Variants in HSD17B12 observed in about 807,000 individuals in gnomAD.
The protein encoded by HSD17B12 is hydroxysteroid 17-beta dehydrogenase 12, also known as very-long-chain 3-oxoacyl-CoA reductase.
HSD17B12 carries 32 observed loss-of-function variants against 39.3 expected under a neutral mutation model. The ratio of observed to expected loss-of-function variants is 0.81; its 90% CI spans 0.61 to 1.09. HSD17B12 has a LOEUF of 1.09. Ranked by LOEUF, HSD17B12 falls within the 50% of genes least tolerant of loss-of-function variation. The probability of loss-of-function intolerance (pLI) is 0.00; values close to 1 mark genes in which losing one functional copy is unlikely to be tolerated. For missense variants in HSD17B12, 342 were observed against 382.9 expected, an observed-to-expected ratio of 0.89 and a Z score of 0.89; for synonymous variants, 150 against 146.7, an observed-to-expected ratio of 1.02 and a Z score of -0.16.
intron 9 of HSD17B12, chr11:43,854,035 G>A (rs980022450): frequency 6.6e-6 from 1 of 152,154 alleles, no homozygotes; most frequent in African/African-American, 2.4e-5. Context: ...TTCCTCTAAA[G>A]GTCATGTCCA....
chr11:43,592,455 T>A, the HSD17B12 span, among the ~76,000 whole-genome samples: 1 of 152,174 alleles, frequency 6.6e-6, no homozygotes, highest in Non-Finnish European at 1.5e-5. Flanking sequence ...GTCCCAGAAT[T>A]ACTCCAAATT....
chr11:43,607,522 T>A, the HSD17B12 span, among the ~76,000 whole-genome samples: 1 of 152,224 alleles, frequency 6.6e-6, no homozygotes, highest in Admixed American at 6.5e-5. Flanking sequence ...CACTATTTTA[T>A]ATGTGCCAAA....
chr11:43,847,555 A>G (rs1590347952), intron 9 of HSD17B12, among the ~76,000 whole-genome samples: 2 of 151,930 alleles, frequency 1.3e-5, no homozygotes, highest in Admixed American at 1.3e-4. Flanking sequence ...AAATAGAAAT[A>G]CATTAGCTGG....
chr11:43,630,121 A>G, the HSD17B12 span, among the ~76,000 whole-genome samples: 4 of 152,180 alleles, frequency 2.6e-5, no homozygotes, highest in Non-Finnish European at 5.9e-5. Context: ...TATCTGGCCT[A>G]CAGGGTTCCT....
the HSD17B12 span, among the ~76,000 whole-genome samples, chr11:43,674,966 T>C: frequency 6.6e-6 from 1 of 152,216 alleles, no homozygotes; most frequent in Non-Finnish European, 1.5e-5. Context: ...ATCATATAAT[T>C]AGTTGGAAGT....
At chr11:43,587,836 G>A in the HSD17B12 span, among the ~76,000 whole-genome samples, 2 of 152,296 alleles carry the variant, frequency 1.3e-5, no homozygotes, top group Middle Eastern at 6.8e-3. Flanking sequence ...ATTTCCTCTG[G>A]TGCTTTTGAC....
At chr11:43,691,312 G>A (rs1332908072) in intron 1 of HSD17B12, among the ~76,000 whole-genome samples, 3 of 152,128 alleles carry the variant, frequency 2.0e-5, no homozygotes, top group Admixed American at 6.5e-5. Context: ...TTCACCAGCA[G>A]CCCAAATCTA....
chr11:43,582,695 G>A, the HSD17B12 span, among the ~76,000 whole-genome samples: 1 of 152,282 alleles, frequency 6.6e-6, no homozygotes, highest in Admixed American at 6.5e-5. Flanking sequence ...CCTGTCCGCT[G>A]GTTGAACACC....
chr11:43,794,777 AT>A (rs1950901440), intron 3 of HSD17B12, among the ~76,000 whole-genome samples: 1 of 152,164 alleles, frequency 6.6e-6, no homozygotes, highest in African/African-American at 2.4e-5. Context: ...TGTGGCTCAT[AT>A]CATATTCATT....
intron 1 of HSD17B12, among the ~76,000 whole-genome samples, chr11:43,733,543 T>C (rs747079095): frequency 2.0e-5 from 3 of 152,244 alleles, no homozygotes; most frequent in Non-Finnish European, 4.4e-5. Flanking sequence ...TAGGATTCTC[T>C]GTATTCTGTA....
the HSD17B12 span, among the ~76,000 whole-genome samples, chr11:43,589,158 A>G: frequency 6.6e-6 from 1 of 152,184 alleles, no homozygotes; most frequent in Non-Finnish European, 1.5e-5. Flanking sequence ...GCTATCGTAA[A>G]TAATGTTTTC....
At chr11:43,741,444 G>T (rs1950363119) in intron 1 of HSD17B12, among the ~76,000 whole-genome samples, 2 of 151,764 alleles carry the variant, frequency 1.3e-5, no homozygotes, top group Non-Finnish European at 2.9e-5. Context: ...ATTCATAGTA[G>T]CAAAGGACTT....
chr11:43,638,968 G>A, the HSD17B12 span, among the ~76,000 whole-genome samples: 6 of 152,066 alleles, frequency 3.9e-5, no homozygotes, highest in African/African-American at 7.2e-5. Flanking sequence ...CAATAGTGTC[G>A]GGTCTGAATA....
chr11:43,581,740 GAGA>G, the HSD17B12 span, among the ~76,000 whole-genome samples: 8 of 152,284 alleles, frequency 5.3e-5, no homozygotes, highest in Middle Eastern at 3.4e-3. This position sits in a 1 kb window ranked among gnomAD's most constrained non-coding sequence, Gnocchi z 4.9. Context: ...TCGGAGAAGT[GAGA>G]AGAAGCTAAA....
the HSD17B12 span, among the ~76,000 whole-genome samples, chr11:43,573,942 C>A: frequency 6.6e-6 from 1 of 152,222 alleles, no homozygotes; most frequent in African/African-American, 2.4e-5. Flanking sequence ...TGTGATAAGT[C>A]ATCTTCAGTG....
chr11:43,748,904 A>T (rs1001446271), intron 1 of HSD17B12, among the ~76,000 whole-genome samples: 1 of 152,220 alleles, frequency 6.6e-6, no homozygotes, highest in African/African-American at 2.4e-5. Flanking sequence ...AATGAGGAAT[A>T]ATTTGTCTCT....
At position 43,705,759 on chromosome 11, in the gene HSD17B12, C is replaced by CTTTTTTTTTTTTTTTTTTTTT. The variant is rs1950008218; in HGVS notation, c.160+24773_160+24774insTTTTTTTTTTTTTTTTTTTTT. The stretch of plus-strand genomic sequence containing the variant: ...TTTAAATTTCTTTTTTTCCTCTCTC[C>CTTTTTTTTTTTTTTTTTTTTT]TCTTTTTTTTTTTTTTTTTTTTTTT... On this transcript the variant is annotated intron_variant, in intron 1 of 10. Transcript: ENST00000278353. Among the ~76,000 whole-genome samples the CTTTTTTTTTTTTTTTTTTTTT allele has an allele frequency of 2.0e-5, 2 of 102,022 alleles. 1 individual carries two copies. The allele number at this position is 102,022 out of a possible 152,430, so 66.9% of individuals were successfully genotyped here.
the HSD17B12 span, among the ~76,000 whole-genome samples, chr11:43,577,699 T>C: frequency 1.3e-5 from 2 of 152,132 alleles, no homozygotes; most frequent in Admixed American, 1.3e-4. Context: ...CCTTTTCGCA[T>C]GCTAGTCATA....
chr11:43,681,165 C>T (rs566259730), intron 1 of HSD17B12, 178 bp downstream of exon 1: 17 of 1,405,210 alleles, frequency 1.2e-5, no homozygotes, highest in Non-Finnish European at 1.5e-5. Flanking sequence ...CTTGCTTAGA[C>T]TACTTGCAGA....
Sources: allele counts gnomAD v4.1 joint callset (sites outside exome capture counted in the v4.1 genomes callset), GRCh38; gene constraint gnomAD v4.1.1; non-coding constraint Gnocchi (gnomAD v3.1); transcripts MANE v1.5; gene names NCBI Gene and HGNC (gene_info 2026-07-23, HGNC 2026-07-21).